SMYD3: variants seen among roughly 807,000 people sequenced by gnomAD.
SMYD3 encodes histone-lysine N-methyltransferase SMYD3.
A neutral mutation model predicts 57.7 loss-of-function variants in SMYD3; 36 were observed. That is an observed-to-expected ratio of 0.62 (90% CI 0.48 to 0.82). SMYD3 has a LOEUF of 0.82. SMYD3 is among the 40% of genes least tolerant of loss of function. The pLI is 0.00. For synonymous variants in SMYD3, 211 were observed against 195.0 expected (o/e 1.08, Z -0.68); for missense variants, 515 against 538.8 (o/e 0.96, Z 0.44).
At chr1:246,314,750 C>A (rs2065130378) in intron 5 of SMYD3, among the ~76,000 whole-genome samples, 2 of 152,106 alleles carry the variant, frequency 1.3e-5, no homozygotes, top group African/African-American at 4.8e-5. Context: ...GTTTGGGAAG[C>A]CAAAATCATT....
chr1:246,096,824 T>C (rs2060924105), intron 5 of SMYD3, among the ~76,000 whole-genome samples: 1 of 152,226 alleles, frequency 6.6e-6, no homozygotes, highest in Admixed American at 6.5e-5. Flanking sequence ...TGACAACAAG[T>C]ACAGTTTATG....
chr1:246,266,923 A>T (rs995340881), intron 5 of SMYD3, among the ~76,000 whole-genome samples: 2 of 152,118 alleles, frequency 1.3e-5, no homozygotes, highest in African/African-American at 4.8e-5. Flanking sequence ...CGAAAATAAT[A>T]TTTTTTTCCT....
intron 1 of SMYD3, among the ~76,000 whole-genome samples, chr1:246,506,131 C>A (rs1045182862): frequency 2.6e-5 from 4 of 152,214 alleles, no homozygotes; most frequent in Admixed American, 6.5e-5. Context: ...ACTGGCAGGT[C>A]TGAAAAGCGG....
At chr1:246,298,497 T>C (rs1312183402) in intron 5 of SMYD3, among the ~76,000 whole-genome samples, 1 of 152,136 alleles carries the variant, frequency 6.6e-6, no homozygotes, top group African/African-American at 2.4e-5. Flanking sequence ...AGTGTTATTA[T>C]AGGAGCTGCC....
chr1:246,154,477 G>A (rs1239595436), intron 5 of SMYD3, among the ~76,000 whole-genome samples: 2 of 152,186 alleles, frequency 1.3e-5, no homozygotes, highest in Non-Finnish European at 2.9e-5. Flanking sequence ...AAAGCTATTA[G>A]AAATTGAAAC....
At chr1:245,901,913 C>T (rs1483036253) in intron 8 of SMYD3, among the ~76,000 whole-genome samples, 1 of 152,190 alleles carries the variant, frequency 6.6e-6, no homozygotes, top group Admixed American at 6.5e-5. Flanking sequence ...CTCAGCTTCA[C>T]AGGCCCTGAG....
chr1:245,949,763 T>C (rs1374663941), intron 5 of SMYD3, among the ~76,000 whole-genome samples: 1 of 151,996 alleles, frequency 6.6e-6, no homozygotes, highest in Non-Finnish European at 1.5e-5. Flanking sequence ...GAGCCAAGAT[T>C]GTACCACTGG....
At chr1:246,222,299 G>A (rs556527427) in intron 5 of SMYD3, among the ~76,000 whole-genome samples, 10 of 152,226 alleles carry the variant, frequency 6.6e-5, no homozygotes, top group Middle Eastern at 3.4e-3. Flanking sequence ...ATAGCTCTAA[G>A]AAATAGATAT....
intron 1 of SMYD3, among the ~76,000 whole-genome samples, chr1:246,395,379 C>T (rs137885140): frequency 6.6e-6 from 1 of 152,370 alleles, no homozygotes; most frequent in African/African-American, 2.4e-5. Context: ...ATACCAACAT[C>T]TCTCATGCAG....
At chr1:246,076,613 T>C (rs2060551988) in intron 5 of SMYD3, among the ~76,000 whole-genome samples, 1 of 152,078 alleles carries the variant, frequency 6.6e-6, no homozygotes, top group Non-Finnish European at 1.5e-5. Context: ...CTAAGGCATG[T>C]CACTTACTTG....
chr1:246,000,044 A>G (rs1392294444), intron 5 of SMYD3, among the ~76,000 whole-genome samples: 2 of 152,318 alleles, frequency 1.3e-5, no homozygotes, highest in South Asian at 2.1e-4. Flanking sequence ...ATAGGCTATG[A>G]CTGTTCTTGA....
intron 5 of SMYD3, among the ~76,000 whole-genome samples, chr1:246,294,607 T>TC: frequency 6.7e-6 from 1 of 149,728 alleles, no homozygotes; most frequent in Admixed American, 6.7e-5. Context: ...TAAGCTTCCT[T>TC]TTTTTTTTTA....
chr1:246,470,461 T>G (rs1001942959), intron 1 of SMYD3, among the ~76,000 whole-genome samples: 1 of 150,256 alleles, frequency 6.7e-6, no homozygotes, highest in Non-Finnish European at 1.5e-5. Context: ...CACCACTGCA[T>G]TCCAGCCTAG....
At chr1:246,305,277 C>T (rs1232962764) in intron 5 of SMYD3, among the ~76,000 whole-genome samples, 2 of 152,144 alleles carry the variant, frequency 1.3e-5, no homozygotes, top group Admixed American at 1.3e-4. Context: ...GATACAGAAT[C>T]GCTTCCAGAA....
intron 5 of SMYD3, among the ~76,000 whole-genome samples, chr1:246,242,142 G>C (rs9787386): frequency 0.21 from 31,518 of 151,882 alleles, 3,978 homozygotes; most frequent in East Asian, 0.58. Flanking sequence ...GCTTTTGAAT[G>C]TGTTTGCTCT....
intron 5 of SMYD3, among the ~76,000 whole-genome samples, chr1:246,066,641 C>G (rs1204174695): frequency 2.6e-5 from 4 of 152,204 alleles, no homozygotes; most frequent in Non-Finnish European, 4.4e-5. Flanking sequence ...CTTTCTAGAA[C>G]ACCTGATAGA....
At chr1:246,139,678 A>G (rs190541649) in intron 5 of SMYD3, among the ~76,000 whole-genome samples, 2 of 152,330 alleles carry the variant, frequency 1.3e-5, no homozygotes, top group African/African-American at 4.8e-5. Context: ...GATATGTGCT[A>G]ATATTACACA....
intron 8 of SMYD3, among the ~76,000 whole-genome samples, chr1:245,883,562 T>C (rs1397217186): frequency 6.6e-6 from 1 of 152,208 alleles, no homozygotes; most frequent in Non-Finnish European, 1.5e-5. Context: ...ATTTCCTGTA[T>C]AATAATTTCT....
chr1:245,785,391 C>A (rs1006944361), intron 10 of SMYD3, among the ~76,000 whole-genome samples: 41 of 152,130 alleles, frequency 2.7e-4, no homozygotes, highest in African/African-American at 9.9e-4. Flanking sequence ...TAAGTCCTTT[C>A]AATCAACAGA....
Sources: allele counts gnomAD v4.1 joint callset (sites outside exome capture counted in the v4.1 genomes callset), GRCh38; gene constraint gnomAD v4.1.1; transcripts MANE v1.5; gene names NCBI Gene and HGNC (gene_info 2026-07-23, HGNC 2026-07-21).